Variants in THSD7B observed in about 807,000 individuals in gnomAD.
THSD7B encodes thrombospondin type 1 domain containing 7B.
Under a neutral mutation model 213.6 loss-of-function variants are expected in THSD7B, and 138 were observed. The ratio of observed to expected loss-of-function variants is 0.65; its 90% confidence interval spans 0.56 to 0.74. The LOEUF (loss-of-function observed/expected upper bound fraction) is 0.74, where lower values mean the gene tolerates loss of function less well. Among genes scored for constraint, THSD7B ranks in the 30% least tolerant of loss-of-function variants. The pLI is 0.00. For synonymous variants in THSD7B, 742 were observed against 687.0 expected, an observed-to-expected ratio of 1.08 and a Z score of -1.25; for missense variants, 1,931 against 1,991.5, an observed-to-expected ratio of 0.97 and a Z score of 0.58.
chr2:136,918,196 A>G (rs2105031231), intron 2 of THSD7B, among the ~76,000 whole-genome samples: 1 of 152,358 alleles, frequency 6.6e-6, no homozygotes, highest in South Asian at 2.1e-4. Flanking sequence ...TCTGGAAACA[A>G]AATTGACATG....
chr2:137,670,517 T>C (rs1351854806), intron 27 of THSD7B, among the ~76,000 whole-genome samples: 1 of 152,238 alleles, frequency 6.6e-6, no homozygotes, highest in East Asian at 1.9e-4. Flanking sequence ...AAATAAACTT[T>C]GATTTCGATA....
chr2:137,152,720 T>A (rs1390593436), intron 5 of THSD7B, among the ~76,000 whole-genome samples: 1 of 152,200 alleles, frequency 6.6e-6, no homozygotes, highest in East Asian at 1.9e-4. Context: ...GTTGTCATAG[T>A]TTCTATGGAA....
At chr2:137,480,882 A>G (rs143468934) in intron 15 of THSD7B, among the ~76,000 whole-genome samples, 85 of 152,362 alleles carry the variant, frequency 5.6e-4, no homozygotes, top group African/African-American at 2.0e-3. Context: ...TACTTCTGCT[A>G]TGTTTGTGTC....
chr2:137,275,246 A>T (rs1286352833), intron 11 of THSD7B, among the ~76,000 whole-genome samples: 1 of 152,076 alleles, frequency 6.6e-6, no homozygotes, highest in Non-Finnish European at 1.5e-5. Context: ...TATCAACAGC[A>T]GGTCCATTCC....
chr2:137,420,335 T>A (rs1164927799), intron 14 of THSD7B, among the ~76,000 whole-genome samples: 1 of 152,182 alleles, frequency 6.6e-6, no homozygotes, highest in Non-Finnish European at 1.5e-5. Flanking sequence ...TTTAATTTAA[T>A]TTAATTTGCA....
intron 3 of THSD7B, among the ~76,000 whole-genome samples, chr2:137,065,220 A>G (rs747341783): frequency 2.0e-5 from 3 of 151,872 alleles, no homozygotes; most frequent in Non-Finnish European, 2.9e-5. Flanking sequence ...TTCATTGTAG[A>G]GATCTTTCAC....
chr2:136,835,624 C>T (rs552076198), intron 1 of THSD7B, among the ~76,000 whole-genome samples: 10 of 152,282 alleles, frequency 6.6e-5, no homozygotes, highest in African/African-American at 9.6e-5. Context: ...TTATATATTT[C>T]GTCTTTGCGG....
chr2:137,184,244 A>G (rs1282087021), intron 7 of THSD7B, among the ~76,000 whole-genome samples: 1 of 152,204 alleles, frequency 6.6e-6, no homozygotes, highest in Non-Finnish European at 1.5e-5. Flanking sequence ...GCACTGTGAG[A>G]AACCTCTATT....
At chr2:136,954,438 C>A (rs991315994) in intron 2 of THSD7B, among the ~76,000 whole-genome samples, 2 of 152,080 alleles carry the variant, frequency 1.3e-5, no homozygotes, top group African/African-American at 2.4e-5. Context: ...AAATTACGGC[C>A]GGGCGCGGTG....
At chr2:136,887,238 G>A (rs1207854841) in intron 2 of THSD7B, among the ~76,000 whole-genome samples, 1 of 151,816 alleles carries the variant, frequency 6.6e-6, no homozygotes, top group Non-Finnish European at 1.5e-5. Flanking sequence ...CTTATAAAAA[G>A]TCTGGAAAAC....
At chr2:137,153,730 C>G (rs566628716) in intron 5 of THSD7B, among the ~76,000 whole-genome samples, 1 of 152,152 alleles carries the variant, frequency 6.6e-6, no homozygotes, top group South Asian at 2.1e-4. Flanking sequence ...CTCCTTCAGT[C>G]TGTAGAAGAG....
rs144691314 is a variant in THSD7B, at chr2:136,916,591, C to T, written c.139+34274C>T. On this transcript the variant is annotated intron_variant, in intron 2 of 27. Transcript: ENST00000409968. ...ATCTCTAGGATTTGTACCCATTCCA[C>T]GGAGCGTTTTATTGTAGTCCAAGTG... is the stretch of plus-strand genomic sequence containing the variant. Among the ~76,000 whole-genome samples the T allele has an allele frequency of 3.6e-4, 55 of 152,308 alleles. No individual in the cohort carries two copies. In the Middle Eastern group the frequency reaches 0.024, roughly 66 times the overall value.
chr2:137,203,883 C>T (rs1463721134), intron 7 of THSD7B, among the ~76,000 whole-genome samples: 1 of 152,046 alleles, frequency 6.6e-6, no homozygotes, highest in Non-Finnish European at 1.5e-5. Flanking sequence ...TCTCAGAGAA[C>T]TTGAGGACAT....
chr2:137,215,270 A>T (rs1681209834), intron 7 of THSD7B, among the ~76,000 whole-genome samples: 1 of 151,956 alleles, frequency 6.6e-6, no homozygotes, highest in Non-Finnish European at 1.5e-5. Flanking sequence ...CTACTTTTTG[A>T]TGGGGTTGTT....
At chr2:136,999,691 C>A (rs1685965780) in intron 2 of THSD7B, among the ~76,000 whole-genome samples, 1 of 151,870 alleles carries the variant, frequency 6.6e-6, no homozygotes, top group South Asian at 2.1e-4. Context: ...AGGAGAAACT[C>A]ACAATATTTA....
At chr2:137,224,429 G>A (rs983609086) in intron 7 of THSD7B, among the ~76,000 whole-genome samples, 2 of 152,154 alleles carry the variant, frequency 1.3e-5, no homozygotes, top group African/African-American at 4.8e-5. Flanking sequence ...TACACAGAAT[G>A]TTTAACTTAC....
intron 2 of THSD7B, among the ~76,000 whole-genome samples, chr2:136,932,056 TC>T (rs750515933): frequency 3.3e-5 from 5 of 152,158 alleles, no homozygotes; most frequent in Non-Finnish European, 5.9e-5. Flanking sequence ...TTGGTGGCTT[TC>T]CTTTTTCTTG....
intron 9 of THSD7B, among the ~76,000 whole-genome samples, chr2:137,235,373 C>A (rs141473529): frequency 6.6e-6 from 1 of 152,280 alleles, no homozygotes; most frequent in African/African-American, 2.4e-5. Context: ...CTCCTTTCCA[C>A]AAAGCTTTTC....
At chr2:137,272,323 C>T (rs781587675) in intron 10 of THSD7B, among the ~76,000 whole-genome samples, 9 of 152,036 alleles carry the variant, frequency 5.9e-5, no homozygotes, top group African/African-American at 1.4e-4. Context: ...TAATTATATT[C>T]GAAATCACCA....
Sources: gnomAD v4.1 joint callset for allele counts (sites outside exome capture counted in the v4.1 genomes callset) on GRCh38, gnomAD v4.1.1 for gene constraint, MANE v1.5 for transcripts, NCBI Gene and HGNC (gene_info 2026-07-23, HGNC 2026-07-21) for gene names.